Variants in SMARCB1 observed in about 807,000 individuals in gnomAD.
The protein encoded by SMARCB1 is SWI/SNF related BAF chromatin remodeling complex subunit B1.
SMARCB1 carries 5 observed loss-of-function variants against 49.0 expected under a neutral mutation model. That is an observed-to-expected ratio of 0.10 (90% CI 0.05 to 0.21). SMARCB1 has a LOEUF of 0.21. SMARCB1 is among the 10% of genes least tolerant of loss of function. The probability of loss-of-function intolerance (pLI) is 1.00; values close to 1 mark genes in which losing one functional copy is unlikely to be tolerated. For missense variants in SMARCB1, 226 were observed against 509.2 expected (o/e 0.44, Z 5.35); for synonymous variants, 201 against 200.1 (o/e 1.00, Z -0.04).
intron 1 of SMARCB1, among the ~76,000 whole-genome samples, chr22:23,788,873 G>A (rs1293022228): frequency 6.0e-5 from 9 of 150,460 alleles, no homozygotes; most frequent in African/African-American, 2.2e-4. Flanking sequence ...TTTTCTGGAC[G>A]AGGTTTGACT....
chr22:23,803,266 G>T (rs369612214), intron 4 of SMARCB1, 29 bp from the exon 5 acceptor site: 1 of 1,613,896 alleles, frequency 6.2e-7, no homozygotes. Context: ...CGGCCCCCTC[G>T]CTGACTGTTG....
chr22:23,813,508 CAAATT>C (rs1056087229), intron 5 of SMARCB1, among the ~76,000 whole-genome samples: 1 of 151,996 alleles, frequency 6.6e-6, no homozygotes, highest in African/African-American at 2.4e-5. Flanking sequence ...TACCTAGACA[CAAATT>C]AAAAATACAT....
Position 23,787,210 on chromosome 22 carries a change from C to A in SMARCB1, c.41C>A (p.Pro14His). The change falls in exon 1 of 9, where the codon CCC becomes CAC. Residue 14 changes from proline (P) to histidine (H), a missense_variant. By Grantham distance (77) the Pro-to-His change is moderately conservative (BLOSUM62 -2). Around this residue, in one of 6 missense-constraint regions of SMARCB1, gnomAD observed 37 missense variants for 36.9 expected, o/e 1.00. Transcript: ENST00000644036. ...MALSKTFGQK[P>H]VKFQLEDDGE... is the part of the protein sequence containing the mutation. ...CTGAGCAAGACCTTCGGGCAGAAGC[C>A]CGTGAAGTTCCAGCTGGAGGACGAC... 2 of 1,609,164 alleles carry A rather than the reference C, an allele frequency of 1.2e-6. No individual in the cohort carries two copies. Among genetic ancestry groups the A allele is most frequent in the Non-Finnish European group, 1.7e-6 (2 of 1,177,450 alleles).
At chr22:23,828,391 G>T (rs1027127188) in intron 7 of SMARCB1, among the ~76,000 whole-genome samples, 4 of 149,956 alleles carry the variant, frequency 2.7e-5, no homozygotes, top group African/African-American at 4.9e-5. Context: ...AGGCATGGTG[G>T]CTCACGCCTG....
Position 23,835,333 on chromosome 22 carries a change from G to T in SMARCB1, c.*1153G>T, listed in dbSNP as rs1386078715. The T allele has an allele frequency of 3.0e-6, 3 of 1,004,538 alleles. No individual in the cohort carries two copies. The highest frequency in any genetic ancestry group is 9.2e-5 in the South Asian group (2 of 21,814). 62.2% of individuals were successfully genotyped at this position (1,004,538 alleles called of 1,614,324 possible). A position where few individuals can be genotyped will look rare whatever the true frequency, so the allele number is the denominator to read the frequency against. ...ACTGAAGAGAATGGGCACAGATCCG[G>T]GCACAGATCCCAGCACAGACTGCTG... On this transcript the variant is annotated 3_prime_UTR_variant, in exon 9 of 9. Transcript: ENST00000644036.
At chr22:23,819,460 C>T (rs1568953988) in intron 6 of SMARCB1, among the ~76,000 whole-genome samples, 1 of 152,004 alleles carries the variant, frequency 6.6e-6, no homozygotes, top group Non-Finnish European at 1.5e-5. Context: ...TCCTGAGTAG[C>T]TGGGATTACT....
At chr22:23,803,050 A>G in intron 4 of SMARCB1, 1 of 591,754 alleles carries the variant, frequency 1.7e-6, no homozygotes, top group South Asian at 1.9e-5. Context: ...TGTTGTTCCA[A>G]CACTGCCCAG....
intron 1 of SMARCB1, among the ~76,000 whole-genome samples, chr22:23,788,395 T>C (rs940248514): frequency 1.3e-5 from 2 of 152,182 alleles, no homozygotes; most frequent in Non-Finnish European, 2.9e-5. Flanking sequence ...GTTTTTAGTA[T>C]CATATTCCAG....
chr22:23,835,030 G>A lies in SMARCB1; in HGVS notation c.*850G>A. On this transcript the variant is annotated 3_prime_UTR_variant, in exon 9 of 9. Transcript: ENST00000644036. ...TCCAGTGGCACCCATAGCCAGGTCA[G>A]CTGGGGCCCTTTCCCACCCCAGCAG... 1 of 1,416,356 alleles carries A rather than the reference G, an allele frequency of 7.1e-7. No homozygotes were observed. The highest frequency in any genetic ancestry group is 9.2e-7 in the Non-Finnish European group (1 of 1,087,582). 87.7% of individuals were successfully genotyped at this position (1,416,356 alleles called of 1,614,324 possible).
intron 3 of SMARCB1, among the ~76,000 whole-genome samples, chr22:23,797,004 T>A (rs981626891): frequency 6.7e-6 from 1 of 149,990 alleles, no homozygotes; most frequent in African/African-American, 2.4e-5. Context: ...GTTTTTCTTT[T>A]TTTTTTTTTT....
chr22:23,803,639 C>T, intron 5 of SMARCB1: 1 of 644,964 alleles, frequency 1.6e-6, no homozygotes, highest in Non-Finnish European at 2.8e-6. Context: ...TTTCCCCATA[C>T]TGAGGTTGGG....
intron 3 of SMARCB1, among the ~76,000 whole-genome samples, chr22:23,800,136 G>A (rs957122046): frequency 1.3e-5 from 2 of 152,188 alleles, no homozygotes; most frequent in African/African-American, 4.8e-5. Flanking sequence ...GCCTGGTTTC[G>A]AACTCTTGAC....
At chr22:23,832,319 C>T (rs779545499) in intron 7 of SMARCB1, among the ~76,000 whole-genome samples, 10 of 152,248 alleles carry the variant, frequency 6.6e-5, no homozygotes, top group Non-Finnish European at 1.2e-4. Context: ...CAAAGCCCTT[C>T]ACAGCAATAA....
rs2146046127 is a variant in SMARCB1, at chr22:23,834,254, G to A, written c.*74G>A. On this transcript the variant is annotated 3_prime_UTR_variant, in exon 9 of 9. Transcript: ENST00000644036. ...CGCCTCTCCTCCATCTTCTGGCAAG[G>A]ACAGAGGCGAGGGGACAGCCCAGCG... is the stretch of plus-strand genomic sequence containing the variant. 1 of 1,486,024 alleles carries A rather than the reference G, an allele frequency of 6.7e-7. No individual in the cohort carries two copies. Among genetic ancestry groups the A allele is most frequent in the Non-Finnish European group, 9.2e-7 (1 of 1,090,144 alleles). 92.1% of individuals were successfully genotyped at this position (1,486,024 alleles called of 1,614,324 possible). A position where few individuals can be genotyped will look rare whatever the true frequency, so the allele number is the denominator to read the frequency against.
At chr22:23,795,281 T>TA (rs546440862) in intron 3 of SMARCB1, among the ~76,000 whole-genome samples, 2 of 151,800 alleles carry the variant, frequency 1.3e-5, no homozygotes, top group Non-Finnish European at 2.9e-5. Flanking sequence ...TACTGAAAGT[T>TA]AAAAAAATTA....
intron 3 of SMARCB1, among the ~76,000 whole-genome samples, chr22:23,799,164 C>T (rs545255280): frequency 3.9e-3 from 598 of 152,266 alleles, no homozygotes; most frequent in Non-Finnish European, 5.9e-3. Flanking sequence ...CAGTCGCTGC[C>T]TGCTCCTGCT....
chr22:23,790,934 G>A (rs1164153553), intron 1 of SMARCB1, among the ~76,000 whole-genome samples: 1 of 152,104 alleles, frequency 6.6e-6, no homozygotes, highest in Non-Finnish European at 1.5e-5. Context: ...TAATAGAAGT[G>A]GTCCTTCATG....
chr22:23,798,956 A>G (rs1302352291), intron 3 of SMARCB1, among the ~76,000 whole-genome samples: 2 of 151,856 alleles, frequency 1.3e-5, no homozygotes, highest in African/African-American at 2.4e-5. Flanking sequence ...AGGCTGAGGC[A>G]GGAGAATGGC....
At chr22:23,816,429 G>A (rs547246415) in intron 5 of SMARCB1, 31 of 482,712 alleles carry the variant, frequency 6.4e-5, no homozygotes, top group African/African-American at 1.8e-4. Context: ...GAGATGGCAC[G>A]CAAGCTTTGA....
Sources: gnomAD v4.1 joint callset for allele counts (sites outside exome capture counted in the v4.1 genomes callset) on GRCh38, gnomAD v4.1.1 for gene constraint, gnomAD v4.1.1 regional missense constraint, MANE v1.5 for transcripts, NCBI Gene and HGNC (gene_info 2026-07-23, HGNC 2026-07-21) for gene names.